The following RBFOX1 variants were observed in gnomAD, a reference collection of about 807,000 sequenced individuals.
The protein encoded by RBFOX1 is RNA binding fox-1 homolog 1.
In RBFOX1, 8 loss-of-function variants were observed where a neutral mutation model predicts 57.7. The observed-to-expected ratio is 0.14, with a 90% confidence interval of 0.08 to 0.25. The LOEUF (loss-of-function observed/expected upper bound fraction) is 0.25, where lower values mean the gene tolerates loss of function less well. Ranked by LOEUF, RBFOX1 falls within the 10% of genes least tolerant of loss-of-function variation. The pLI is 1.00. For missense variants in RBFOX1, 611 were observed against 548.5 expected (o/e 1.11, Z -1.14); for synonymous variants, 326 against 222.4 (o/e 1.47, Z -4.15).
At chr16:6,562,446 C>T (rs1320901544) in intron 2 of RBFOX1, among the ~76,000 whole-genome samples, 1 of 152,216 alleles carries the variant, frequency 6.6e-6, no homozygotes, top group Non-Finnish European at 1.5e-5. Context: ...TCTATGATCA[C>T]TGTGGAAATT....
At chr16:7,044,293 C>T (rs527540899) in intron 3 of RBFOX1, among the ~76,000 whole-genome samples, 1 of 152,258 alleles carries the variant, frequency 6.6e-6, no homozygotes, top group African/African-American at 2.4e-5. Flanking sequence ...ACCTAAGGCT[C>T]AGTTCTAGTT....
chr16:6,827,827 C>G (rs925433911), intron 3 of RBFOX1, among the ~76,000 whole-genome samples: 1 of 152,220 alleles, frequency 6.6e-6, no homozygotes, highest in African/African-American at 2.4e-5. Context: ...GGAATGCCTG[C>G]CTTGAAACCT....
intron 4 of RBFOX1, among the ~76,000 whole-genome samples, chr16:7,115,529 C>T (rs1012074034): frequency 6.6e-6 from 1 of 152,160 alleles, no homozygotes; most frequent in African/African-American, 2.4e-5. Flanking sequence ...TGTCAAGGCT[C>T]TCTTTGAGGG....
chr16:7,221,130 G>A (rs1055784210), intron 4 of RBFOX1, among the ~76,000 whole-genome samples: 4 of 151,958 alleles, frequency 2.6e-5, no homozygotes, highest in Non-Finnish European at 5.9e-5. Context: ...TTTATGTGGT[G>A]GCTTATACTT....
chr16:7,158,804 G>A (rs1170098303), intron 4 of RBFOX1, among the ~76,000 whole-genome samples: 7 of 151,944 alleles, frequency 4.6e-5, no homozygotes, highest in Non-Finnish European at 8.8e-5. Flanking sequence ...GCGTTTGTGT[G>A]GTGTTTGTGT....
chr16:6,781,652 T>C (rs1171491509), intron 3 of RBFOX1, among the ~76,000 whole-genome samples: 1 of 152,166 alleles, frequency 6.6e-6, no homozygotes, highest in Non-Finnish European at 1.5e-5. Flanking sequence ...TCAATCTTTG[T>C]AGTTTTTTAT....
intron 3 of RBFOX1, among the ~76,000 whole-genome samples, chr16:6,764,386 AGT>A (rs965790207): frequency 1.3e-5 from 2 of 152,180 alleles, no homozygotes; most frequent in African/African-American, 4.8e-5. Context: ...CGGGCCAAGC[AGT>A]GTCTGGTAGC....
intron 2 of RBFOX1, among the ~76,000 whole-genome samples, chr16:6,361,628 T>TTAAAAAAAAAAAAAAAAAAA (rs1371587081): frequency 4.7e-5 from 6 of 127,952 alleles, no homozygotes; most frequent in South Asian, 2.5e-4. Context: ...ACTCTGTCTC[T>TTAAAAAAAAAAAAAAAAAAA]AAAAAAAAAA....
intron 3 of RBFOX1, among the ~76,000 whole-genome samples, chr16:5,700,411 C>A (rs912072308): frequency 1.3e-5 from 2 of 151,954 alleles, no homozygotes; most frequent in South Asian, 4.1e-4. Flanking sequence ...ATATTAGATT[C>A]ATAGTTGTTT....
intron 1 of RBFOX1, among the ~76,000 whole-genome samples, chr16:5,261,829 T>A (rs1397615633): frequency 6.6e-6 from 1 of 152,192 alleles, no homozygotes; most frequent in East Asian, 1.9e-4. Flanking sequence ...GGATTACAGG[T>A]GTGAGCCACC....
intron 4 of RBFOX1, among the ~76,000 whole-genome samples, chr16:7,169,165 T>G (rs1244656823): frequency 6.6e-6 from 1 of 152,236 alleles, no homozygotes; most frequent in African/African-American, 2.4e-5. Context: ...TTTCAAATTT[T>G]GACAATATTC....
At chr16:7,107,130 A>C (rs971738666) in intron 4 of RBFOX1, among the ~76,000 whole-genome samples, 4 of 152,178 alleles carry the variant, frequency 2.6e-5, no homozygotes, top group African/African-American at 9.7e-5. Flanking sequence ...GCAAAGAGTC[A>C]GAATGCAAGA....
intron 2 of RBFOX1, among the ~76,000 whole-genome samples, chr16:5,519,358 G>A (rs1004769100): frequency 2.0e-5 from 3 of 152,298 alleles, no homozygotes; most frequent in South Asian, 2.1e-4. Flanking sequence ...TGGGGGATCT[G>A]TAAGTGCTCT....
chr16:5,942,632 A>G (rs1331929640), intron 4 of RBFOX1, among the ~76,000 whole-genome samples: 1 of 152,052 alleles, frequency 6.6e-6, no homozygotes, highest in African/African-American at 2.4e-5. Flanking sequence ...TTACAGAGGC[A>G]GTTTAGTTTT....
chr16:6,800,952 C>G (rs138461453), intron 3 of RBFOX1, among the ~76,000 whole-genome samples: 23 of 152,160 alleles, frequency 1.5e-4, no homozygotes, highest in African/African-American at 5.5e-4. Flanking sequence ...GAGTATCTCT[C>G]AAGGGTATCT....
intron 3 of RBFOX1, among the ~76,000 whole-genome samples, chr16:5,703,504 A>G (rs1171454362): frequency 6.6e-6 from 1 of 152,182 alleles, no homozygotes; most frequent in Non-Finnish European, 1.5e-5. Context: ...GCATCCTCGT[A>G]TATTCTTCCA....
chr16:7,112,584 C>T (rs1228951222), intron 4 of RBFOX1, among the ~76,000 whole-genome samples: 1 of 151,922 alleles, frequency 6.6e-6, no homozygotes, highest in East Asian at 1.9e-4. Flanking sequence ...TATAATAGCT[C>T]CACACTGTTT....
chr16:6,701,872 C>G (rs192311722), intron 3 of RBFOX1, among the ~76,000 whole-genome samples: 9 of 152,050 alleles, frequency 5.9e-5, no homozygotes, highest in Admixed American at 5.9e-4. Flanking sequence ...ATACTGTGTT[C>G]TCACTTATAA....
intron 2 of RBFOX1, among the ~76,000 whole-genome samples, chr16:6,489,794 C>G (rs922273173): frequency 1.3e-5 from 2 of 152,170 alleles, no homozygotes; most frequent in African/African-American, 4.8e-5. Flanking sequence ...CTTGTGAATT[C>G]TCTCTACCAT....
Sources: allele counts gnomAD v4.1 joint callset (sites outside exome capture counted in the v4.1 genomes callset), GRCh38; gene constraint gnomAD v4.1.1; transcripts MANE v1.5; gene names NCBI Gene and HGNC (gene_info 2026-07-23, HGNC 2026-07-21).